Variants in TIAM1 observed in about 807,000 individuals in gnomAD.
TIAM1 encodes the protein rho guanine nucleotide exchange factor TIAM1.
Under a neutral mutation model 163.5 loss-of-function variants are expected in TIAM1, and 65 were observed. The ratio of observed to expected loss-of-function variants is 0.40; its 90% CI spans 0.33 to 0.49. The LOEUF (loss-of-function observed/expected upper bound fraction) is 0.49. Ranked by LOEUF, TIAM1 falls within the 20% of genes least tolerant of loss-of-function variation. The pLI is 0.77. For synonymous variants in TIAM1, 833 were observed against 810.1 expected (o/e 1.03, Z -0.48); for missense variants, 1,789 against 2,044.7 (o/e 0.87, Z 2.41).
intron 1 of TIAM1, among the ~76,000 whole-genome samples, chr21:31,488,705 G>C (rs1022850908): frequency 1.3e-5 from 2 of 151,812 alleles, no homozygotes; most frequent in Non-Finnish European, 2.9e-5. Context: ...TACCAGAACA[G>C]TATGAGGGAA....
chr21:31,288,872 G>T (rs2073913014), intron 2 of TIAM1, among the ~76,000 whole-genome samples: 1 of 152,160 alleles, frequency 6.6e-6, no homozygotes, highest in Non-Finnish European at 1.5e-5. Context: ...AAAATAGGAT[G>T]CCTCAGCCTT....
intron 2 of TIAM1, among the ~76,000 whole-genome samples, chr21:31,361,210 C>T (rs564626943): frequency 1.3e-5 from 2 of 152,222 alleles, no homozygotes; most frequent in Non-Finnish European, 2.9e-5. Context: ...TAGAGCTACA[C>T]CCAAGAGAAA....
At chr21:31,235,486 T>C (rs2088702338) in intron 6 of TIAM1, among the ~76,000 whole-genome samples, 1 of 152,166 alleles carries the variant, frequency 6.6e-6, no homozygotes. Context: ...TCATCTATCA[T>C]AATAGAAAGT....
rs114004221 is a variant in TIAM1, at chr21:31,321,259, C to T, written c.-189+17984G>A. 5.1e-3 allele frequency among the ~76,000 whole-genome samples: 777 copies of T among 152,296 alleles called. 11 individuals are homozygous for T. The highest frequency in any genetic ancestry group is 0.018 in the African/African-American group (749 of 41,564). On this transcript the variant is annotated intron_variant, in intron 2 of 27. Transcript: ENST00000541036. ...CATCGGCAGGCCTGCACCTCTGCCT[C>T]GGACTCAGGCTCCTCCACATAATCT...
chr21:31,333,209 A>G (rs1247381673), intron 2 of TIAM1, among the ~76,000 whole-genome samples: 1 of 152,194 alleles, frequency 6.6e-6, no homozygotes, highest in Non-Finnish European at 1.5e-5. Context: ...GGATCTGGGT[A>G]GGTGTGGTTT....
At chr21:31,127,182 G>A (rs770105899) in intron 25 of TIAM1, 30 bp from the exon 26 acceptor site, 9 of 1,599,614 alleles carry the variant, frequency 5.6e-6, no homozygotes, top group Non-Finnish European at 7.7e-6. Flanking sequence ...AATGAATCAG[G>A]GTATGTTTCA....
At chr21:31,238,289 T>C (rs2070997605) in intron 6 of TIAM1, among the ~76,000 whole-genome samples, 1 of 152,222 alleles carries the variant, frequency 6.6e-6, no homozygotes, top group African/African-American at 2.4e-5. Context: ...GGATTTATAA[T>C]AAGCAGAAGG....
chr21:31,519,264 C>G (rs1284441398), intron 1 of TIAM1, among the ~76,000 whole-genome samples: 1 of 139,608 alleles, frequency 7.2e-6, no homozygotes, highest in Non-Finnish European at 1.5e-5. Flanking sequence ...GAGATCGCGC[C>G]ACTGCACTCC....
chr21:31,325,593 G>A lies in TIAM1; in HGVS notation c.-189+13650C>T, dbSNP rs567966192. Among the ~76,000 whole-genome samples the A allele has an allele frequency of 5.9e-5, 9 of 151,434 alleles. No individual in the cohort carries two copies. The South Asian group carries it at 6.3e-4, about 11-fold the overall frequency. ...TGAGGCATGAGAAACACTTGAACCC[G>A]GGATGCAGAGGTTGCAGTGAGCCAA... On this transcript the variant is annotated intron_variant, in intron 2 of 27. Transcript: ENST00000541036.
At chr21:31,213,169 G>A (rs999309271) in intron 10 of TIAM1, 2 of 441,804 alleles carry the variant, frequency 4.5e-6, no homozygotes, top group Non-Finnish European at 7.9e-6. Context: ...ACATCAAATG[G>A]TAAGTATGGG....
chr21:31,307,960 C>G (rs185719437), intron 2 of TIAM1, among the ~76,000 whole-genome samples: 1 of 152,240 alleles, frequency 6.6e-6, no homozygotes, highest in East Asian at 1.9e-4. Flanking sequence ...GGGCTGGGTG[C>G]GGCAGCTCAC....
At chr21:31,426,642 C>A (rs1181911143) in intron 2 of TIAM1, among the ~76,000 whole-genome samples, 1 of 152,180 alleles carries the variant, frequency 6.6e-6, no homozygotes, top group Non-Finnish European at 1.5e-5. Flanking sequence ...TCAGGAGCTA[C>A]AACTGAAAGA....
At chr21:31,500,537 G>A (rs1418319338) in intron 1 of TIAM1, among the ~76,000 whole-genome samples, 1 of 152,160 alleles carries the variant, frequency 6.6e-6, no homozygotes, top group Non-Finnish European at 1.5e-5. Context: ...CAGTAGCTTG[G>A]AATATGACCT....
At chr21:31,374,516 T>C (rs2076652277) in intron 2 of TIAM1, among the ~76,000 whole-genome samples, 1 of 152,154 alleles carries the variant, frequency 6.6e-6, no homozygotes, top group Non-Finnish European at 1.5e-5. Context: ...GGATCGGATA[T>C]CCTCCCTCCC....
intron 3 of TIAM1, among the ~76,000 whole-genome samples, chr21:31,271,860 G>A (rs928081708): frequency 9.9e-5 from 15 of 152,134 alleles, no homozygotes; most frequent in African/African-American, 3.6e-4. Flanking sequence ...AAGACAATAG[G>A]ATGAGTGTGA....
intron 1 of TIAM1, among the ~76,000 whole-genome samples, chr21:31,557,567 T>C (rs2048923342): frequency 1.3e-5 from 2 of 152,144 alleles, no homozygotes; most frequent in Non-Finnish European, 2.9e-5. Context: ...CCGGGTTTGT[T>C]TGACCTCAGC....
At chr21:31,552,840 A>G (rs992371731) in intron 1 of TIAM1, among the ~76,000 whole-genome samples, 1 of 152,238 alleles carries the variant, frequency 6.6e-6, no homozygotes, top group African/African-American at 2.4e-5. Flanking sequence ...TAGGGCAGAC[A>G]GTAAGAATCA....
At chr21:31,123,251 G>A (rs536044330) in intron 27 of TIAM1, among the ~76,000 whole-genome samples, 11 of 152,174 alleles carry the variant, frequency 7.2e-5, no homozygotes, top group Non-Finnish European at 8.8e-5. Flanking sequence ...AGTTCCCTGA[G>A]GTTGAGACAC....
At chr21:31,515,275 G>A (rs2047345571) in intron 1 of TIAM1, among the ~76,000 whole-genome samples, 1 of 152,096 alleles carries the variant, frequency 6.6e-6, no homozygotes, top group Non-Finnish European at 1.5e-5. Context: ...TCTAGGTTGA[G>A]TTAGATACTC....
Sources: allele counts gnomAD v4.1 joint callset (sites outside exome capture counted in the v4.1 genomes callset), GRCh38; gene constraint gnomAD v4.1.1; transcripts MANE v1.5; gene names NCBI Gene and HGNC (gene_info 2026-07-23, HGNC 2026-07-21).